The following HPCAL1 variants were observed in gnomAD, a reference collection of about 807,000 sequenced individuals.
HPCAL1 encodes hippocalcin-like protein 1.
HPCAL1 carries 8 observed loss-of-function variants against 17.1 expected under a neutral mutation model. The observed-to-expected ratio is 0.47, with a 90% CI of 0.27 to 0.84. HPCAL1 has a LOEUF of 0.84. Ranked by LOEUF, HPCAL1 falls within the 40% of genes least tolerant of loss-of-function variation. The probability of loss-of-function intolerance (pLI) is 0.13; values close to 1 mark genes in which losing one functional copy is unlikely to be tolerated. For synonymous variants in HPCAL1, 112 were observed against 111.4 expected, an observed-to-expected ratio of 1.01 and a Z score of -0.03; for missense variants, 165 against 271.1, an observed-to-expected ratio of 0.61 and a Z score of 2.75.
chr2:10,312,768 C>A (rs1468692934), intron 1 of HPCAL1, among the ~76,000 whole-genome samples: 4 of 151,988 alleles, frequency 2.6e-5, no homozygotes, highest in Admixed American at 2.0e-4. Flanking sequence ...GTCATCATCA[C>A]CATCATCGTC....
At chr2:10,411,980 G>C (rs1405025476) in intron 2 of HPCAL1, among the ~76,000 whole-genome samples, 2 of 152,174 alleles carry the variant, frequency 1.3e-5, no homozygotes, top group African/African-American at 4.8e-5. Context: ...GATGGGGCTG[G>C]GGTGGGGGTG....
intron 1 of HPCAL1, among the ~76,000 whole-genome samples, chr2:10,392,458 T>C (rs1455243280): frequency 6.6e-6 from 1 of 152,250 alleles, no homozygotes; most frequent in Non-Finnish European, 1.5e-5. Context: ...TTATAAGTCT[T>C]TCAAATTGTC....
At chr2:10,423,152 G>A (rs1671174636) in intron 4 of HPCAL1, 64 bp downstream of exon 4, 7 of 1,243,140 alleles carry the variant, frequency 5.6e-6, no homozygotes, top group Non-Finnish European at 8.2e-6. Flanking sequence ...CATGTGGTTT[G>A]GGGCACCCCC....
At position 10,395,441 on chromosome 2, in the gene HPCAL1, T is replaced by C. The variant is rs1053147144; in HGVS notation, c.-110-1394T>C. 6.6e-6 allele frequency among the ~76,000 whole-genome samples: 1 copy of C among 151,982 alleles called. No homozygotes were observed. The highest frequency in any genetic ancestry group is 2.1e-4 in the South Asian group (1 of 4,806). On this transcript the variant is annotated intron_variant, in intron 1 of 4. Transcript: ENST00000307845. The surrounding 1 kb of genome is among the most constrained non-coding windows in gnomAD (Gnocchi z 4.4). The stretch of plus-strand genomic sequence containing the variant: ...ACGTGAAACGGACGATTTCCTGACC[T>C]TGTGGCGCTCACAGTCAGGGGGGTG...
At chr2:10,424,809 G>A (rs528538360) in intron 4 of HPCAL1, 11 of 367,276 alleles carry the variant, frequency 3.0e-5, no homozygotes, top group East Asian at 7.4e-5. Flanking sequence ...AAGCTCCTCC[G>A]GGGACTGCTC....
At chr2:10,396,352 G>A (rs992331339) in intron 1 of HPCAL1, among the ~76,000 whole-genome samples, 1 of 152,210 alleles carries the variant, frequency 6.6e-6, no homozygotes, top group African/African-American at 2.4e-5. Context: ...AAGGGAGCAG[G>A]GCACAGTCGT....
chr2:10,318,516 C>T (rs1663465591), intron 1 of HPCAL1, among the ~76,000 whole-genome samples: 1 of 152,192 alleles, frequency 6.6e-6, no homozygotes, highest in African/African-American at 2.4e-5. Flanking sequence ...GATAAGGCCG[C>T]ACGTGGGTGT....
At chr2:10,312,869 C>G (rs1372946110) in intron 1 of HPCAL1, among the ~76,000 whole-genome samples, 2 of 152,024 alleles carry the variant, frequency 1.3e-5, no homozygotes, top group East Asian at 3.9e-4. Flanking sequence ...TCATCATCAC[C>G]ACCACCACCA....
At chr2:10,421,249 A>G (rs11675574) in intron 3 of HPCAL1, among the ~76,000 whole-genome samples, 75,476 of 152,002 alleles carry the variant, frequency 0.5, 19,674 homozygotes, top group East Asian at 0.67. Context: ...TTTAGGAGGC[A>G]TCTCTTCACC....
chr2:10,324,816 G>GTTTTTTTTTTTTT (rs3036350), intron 1 of HPCAL1, among the ~76,000 whole-genome samples: 2 of 66,390 alleles, frequency 3.0e-5, no homozygotes, highest in South Asian at 9.0e-4. Flanking sequence ...TGGTTTTTGT[G>GTTTTTTTTTTTTT]TTTTTTTTTT....
intron 2 of HPCAL1, among the ~76,000 whole-genome samples, chr2:10,405,401 G>A (rs769123800): frequency 9.9e-5 from 15 of 152,264 alleles, no homozygotes; most frequent in Non-Finnish European, 1.8e-4. Flanking sequence ...CCCTGGAAGA[G>A]CTGCCTGTCC....
Position 10,359,683 on chromosome 2 carries a change from T to G in HPCAL1, c.-110-37152T>G, listed in dbSNP as rs552583702. 6.6e-6 allele frequency among the ~76,000 whole-genome samples: 1 copy of G among 152,282 alleles called. No individual in the cohort carries two copies. The highest frequency in any genetic ancestry group is 2.1e-4 in the South Asian group (1 of 4,816). ...AGTGGCTGGCGGTCCCACCTCCAAATGCAGGCAGACCACACTCCCTGAAGG... is the reference window on the plus strand; with the variant it reads ...AGTGGCTGGCGGTCCCACCTCCAAAGGCAGGCAGACCACACTCCCTGAAGG... On this transcript the variant is annotated intron_variant, in intron 1 of 4. Coordinates refer to ENST00000307845, the MANE Select transcript of HPCAL1 (RefSeq NM_002149.4). The surrounding 1 kb of genome is among the most constrained non-coding windows in gnomAD (Gnocchi z 4.1).
At position 10,411,537 on chromosome 2, in the gene HPCAL1, C is replaced by T. The variant is rs547597004; in HGVS notation, c.-24-8197C>T. Among the ~76,000 whole-genome samples the T allele has an allele frequency of 7.9e-5, 12 of 152,316 alleles. 1 individual carries two copies. The highest frequency in any genetic ancestry group is 2.1e-4 in the South Asian group (1 of 4,828). On this transcript the variant is annotated intron_variant, in intron 2 of 4. Coordinates refer to ENST00000307845, the MANE Select transcript of HPCAL1 (RefSeq NM_002149.4). ...CCAAATGCCGTTGTCCTAGGCAAGC[C>T]GCCGAGTGCCCCGGGAATGAGCGAC...
rs777615594 is a variant in HPCAL1 at position 10,342,227 on chromosome 2, G to T, written c.-111+39050G>T. Among the ~76,000 whole-genome samples the T allele has an allele frequency of 1.3e-5, 2 of 152,154 alleles. No individual in the cohort carries two copies. Among genetic ancestry groups the T allele is most frequent in the Non-Finnish European group, 2.9e-5 (2 of 68,030 alleles). On this transcript the variant is annotated intron_variant, in intron 1 of 4. Coordinates refer to ENST00000307845, the MANE Select transcript of HPCAL1 (RefSeq NM_002149.4). This position sits in a 1 kb window ranked among gnomAD's most constrained non-coding sequence, Gnocchi z 4.1. ...CCCGTTTCATTTAGATGGAGCGTTT[G>T]TGGGATTTAAGACAGATTTTTCCTT... is the stretch of plus-strand genomic sequence containing the variant.
intron 2 of HPCAL1, among the ~76,000 whole-genome samples, chr2:10,407,035 G>A (rs922699709): frequency 5.9e-5 from 9 of 152,206 alleles, no homozygotes; most frequent in East Asian, 1.9e-4. Flanking sequence ...TGATGACGCC[G>A]CACTGGTCCA....
intron 1 of HPCAL1, among the ~76,000 whole-genome samples, chr2:10,396,057 C>T (rs1033882213): frequency 2.0e-5 from 3 of 152,182 alleles, no homozygotes; most frequent in African/African-American, 7.2e-5. Context: ...GTGCTTGGAA[C>T]GCTTGTGCCA....
At position 10,363,165 on chromosome 2, in the gene HPCAL1, C is replaced by T. The variant is rs563171919; in HGVS notation, c.-110-33670C>T. 6.6e-6 allele frequency among the ~76,000 whole-genome samples: 1 copy of T among 152,070 alleles called. No individual in the cohort carries two copies. The highest frequency in any genetic ancestry group is 2.1e-4 in the South Asian group (1 of 4,830). ...AAACCCATTCTCACTCTAACCCATG[C>T]TGTATCTGATTTTTTTCCTGAGGTA... On this transcript the variant is annotated intron_variant, in intron 1 of 4. Coordinates refer to ENST00000307845, the MANE Select transcript of HPCAL1 (RefSeq NM_002149.4). The surrounding 1 kb of genome is among the most constrained non-coding windows in gnomAD (Gnocchi z 4.7).
At chr2:10,340,047 C>T (rs1217049375) in intron 1 of HPCAL1, among the ~76,000 whole-genome samples, 1 of 152,214 alleles carries the variant, frequency 6.6e-6, no homozygotes, top group Non-Finnish European at 1.5e-5. Context: ...ATCTGTGGTC[C>T]TGTGATATCA....
rs1383211804 is a variant in HPCAL1, at chr2:10,403,453, T to TG, written c.-25+6533_-25+6534insG. ...TGATGCCCTCATAACAAAGAGTTCT[T>TG]TTGTGTGTGTGTGTGTGTGTGTGTG... On this transcript the variant is annotated intron_variant, in intron 2 of 4. Coordinates refer to ENST00000307845, the MANE Select transcript of HPCAL1 (RefSeq NM_002149.4). 1.1e-3 allele frequency among the ~76,000 whole-genome samples: 15 copies of TG among 13,978 alleles called. No individual in the cohort carries two copies. The African/African-American group carries it at 0.035, about 33-fold the overall frequency. The allele number at this position is 13,978 out of a possible 152,430, so 9.2% of individuals were successfully genotyped here.
Sources: gnomAD v4.1 joint callset for allele counts (sites outside exome capture counted in the v4.1 genomes callset) on GRCh38, gnomAD v4.1.1 for gene constraint, Gnocchi (gnomAD v3.1) non-coding constraint, MANE v1.5 for transcripts, NCBI Gene and HGNC (gene_info 2026-07-23, HGNC 2026-07-21) for gene names.